Variants in MAB21L3 observed in about 807,000 individuals in gnomAD.
MAB21L3 encodes the protein protein mab-21-like 3.
Under a neutral mutation model 37.7 loss-of-function variants are expected in MAB21L3, and 36 were observed. The observed-to-expected ratio is 0.96, with a 90% CI of 0.73 to 1.26. The LOEUF (loss-of-function observed/expected upper bound fraction) is 1.26. Among genes scored for constraint, MAB21L3 ranks in the 50% most tolerant of loss-of-function variants. The pLI is 0.00. For missense variants in MAB21L3, 430 were observed against 447.3 expected (o/e 0.96, Z 0.35); for synonymous variants, 186 against 176.8 (o/e 1.05, Z -0.41).
chr1:116,122,295 A>G (rs1024197023), intron 4 of MAB21L3, among the ~76,000 whole-genome samples: 1 of 152,218 alleles, frequency 6.6e-6, no homozygotes, highest in African/African-American at 2.4e-5. Context: ...ATGCTAGAAT[A>G]TCACTTGCCC....
rs773287207 is a variant in MAB21L3, at chr1:116,124,112, T to G, written c.236T>G (p.Leu79Arg). The change falls in exon 5 of 8, where the codon CTG (leucine) becomes CGG (arginine). Residue 79 changes from leucine (L) to arginine (R), a missense_variant. By Grantham distance (102) the Leu-to-Arg change is moderately radical. Transcript: ENST00000369500. ...QFLVTVPIKG[L>R]AGYREAREQH... ...CTCGTCACAGTCCCAATAAAAGGCC[T>G]GGCCGGGTACAGGGAGGCCAGGGAG... 2 of 1,613,428 alleles carry G rather than the reference T, an allele frequency of 1.2e-6. No individual in the cohort carries two copies. Among genetic ancestry groups the G allele is most frequent in the Admixed American group, 3.3e-5 (2 of 59,974 alleles).
Position 116,116,162 on chromosome 1 carries a change from C to G in MAB21L3, c.48+3499C>G, listed in dbSNP as rs551562399. Among the ~76,000 whole-genome samples, 12 of 152,278 alleles carry G rather than the reference C, an allele frequency of 7.9e-5. No individual in the cohort carries two copies. The South Asian group carries it at 2.5e-3, about 32-fold the overall frequency. On this transcript the variant is annotated intron_variant, in intron 3 of 7. Transcript: ENST00000369500. ...CTTGCTGTATCTGTCTAGGGTGTGG[C>G]CAGAATAAGTGGAGAGAAACAGTCT...
chr1:116,135,599 A>G lies in MAB21L3; in HGVS notation c.*2234A>G, dbSNP rs1660184986. Among the ~76,000 whole-genome samples the G allele has an allele frequency of 6.6e-6, 1 of 152,260 alleles. No individual in the cohort carries two copies. The highest frequency in any genetic ancestry group is 6.5e-5 in the Admixed American group (1 of 15,286). On this transcript the variant is annotated 3_prime_UTR_variant, in exon 8 of 8. Coordinates refer to ENST00000369500, the MANE Select transcript of MAB21L3 (RefSeq NM_152367.3). ...TCTGAAACTATTCCAATCAATTGAAAAAGAGGGAATCCTCCCTAACTCATT... is the reference window on the plus strand; with the variant it reads ...TCTGAAACTATTCCAATCAATTGAAGAAGAGGGAATCCTCCCTAACTCATT...
At position 116,112,678 on chromosome 1, in the gene MAB21L3, G is replaced by C. The variant is rs77902166; in HGVS notation, c.48+15G>C. 68 of 1,613,266 alleles carry C rather than the reference G, an allele frequency of 4.2e-5. No homozygotes were observed. In the African/African-American group the frequency reaches 8.0e-4, roughly 19 times the overall value. ...TACTGAATAAGGTAAGGACAGACCC[G>C]GTCTCTCCCATGAACCCCCTCCCCA... is the stretch of plus-strand genomic sequence containing the variant. On this transcript the variant is annotated intron_variant, in intron 3 of 7. Transcript: ENST00000369500.
At chr1:116,123,826 C>T (rs181935845) in intron 4 of MAB21L3, 10 of 474,546 alleles carry the variant, frequency 2.1e-5, no homozygotes, top group Admixed American at 3.7e-5. Flanking sequence ...CTTGTATATT[C>T]ATGAGATAAT....
Position 116,111,795 on chromosome 1 carries a change from G to A in MAB21L3, c.-225G>A, listed in dbSNP as rs1039396824. ...TTTCAAGTTGGAAGAGGGAAATTAC[G>A]TTTAAAGGTCAGCAGGTGAGCAGAA... On this transcript the variant is annotated 5_prime_UTR_variant, in exon 2 of 8. Transcript: ENST00000369500. The A allele has an allele frequency of 6.6e-6, 1 of 152,234 alleles. No individual in the cohort carries two copies. Among genetic ancestry groups the A allele is most frequent in the Non-Finnish European group, 1.5e-5 (1 of 68,146 alleles). 9.4% of individuals were successfully genotyped at this position (152,234 alleles called of 1,614,324 possible). A position where few individuals can be genotyped will look rare whatever the true frequency, so the allele number is the denominator to read the frequency against.
At chr1:116,116,384 T>C (rs1299369123) in intron 3 of MAB21L3, among the ~76,000 whole-genome samples, 1 of 152,166 alleles carries the variant, frequency 6.6e-6, no homozygotes, top group Non-Finnish European at 1.5e-5. Flanking sequence ...AGGCTTCTGC[T>C]CAGGTCCCAC....
rs991822273 is a variant in MAB21L3 at position 116,134,475 on chromosome 1, G to A, written c.*1110G>A. On this transcript the variant is annotated 3_prime_UTR_variant, in exon 8 of 8. Coordinates refer to ENST00000369500, the MANE Select transcript of MAB21L3 (RefSeq NM_152367.3). ...ACAGAATGTTGAAGTAGAGTCCACA[G>A]AAAGGTCCCCGAAGGATGAAAATGC... 9 of 152,268 alleles carry A rather than the reference G, an allele frequency of 5.9e-5. No homozygotes were observed. Among genetic ancestry groups the A allele is most frequent in the African/African-American group, 2.2e-4 (9 of 41,450 alleles). The allele number at this position is 152,268 out of a possible 1,614,324, so 9.4% of individuals were successfully genotyped here. A position where few individuals can be genotyped will look rare whatever the true frequency, so the allele number is the denominator to read the frequency against.
chr1:116,124,472 T>C, intron 5 of MAB21L3, 115 bp downstream of exon 5: 1 of 927,364 alleles, frequency 1.1e-6, no homozygotes, highest in Non-Finnish European at 1.6e-6. Context: ...AAAATAATCA[T>C]GTGCTCTTCA....
intron 3 of MAB21L3, among the ~76,000 whole-genome samples, chr1:116,117,829 TA>T (rs1248843862): frequency 6.6e-6 from 1 of 152,194 alleles, no homozygotes; most frequent in African/African-American, 2.4e-5. Context: ...CACTGCCCCC[TA>T]CCCTTTTATC....
rs1238716697 is a variant in MAB21L3, at chr1:116,136,829, C to T, written c.*3464C>T. Among the ~76,000 whole-genome samples, 7 of 148,132 alleles carry T rather than the reference C, an allele frequency of 4.7e-5. No homozygotes were observed. The highest frequency in any genetic ancestry group is 1.0e-4 in the Non-Finnish European group (7 of 66,794). On this transcript the variant is annotated 3_prime_UTR_variant, in exon 8 of 8. Coordinates refer to ENST00000369500, the MANE Select transcript of MAB21L3 (RefSeq NM_152367.3). ...CCTCAGAAATAACGCCGCATATCTA[C>T]AACTATCTGATCTTTGACAAACCTG...
chr1:116,130,638 C>T (rs1055498503), intron 7 of MAB21L3, among the ~76,000 whole-genome samples: 4 of 152,228 alleles, frequency 2.6e-5, no homozygotes, highest in African/African-American at 7.2e-5. Flanking sequence ...AGCTGTGGCA[C>T]TCAGCCTTGC....
intron 3 of MAB21L3, among the ~76,000 whole-genome samples, chr1:116,114,328 G>A (rs1659509637): frequency 6.6e-6 from 1 of 152,144 alleles, no homozygotes; most frequent in Admixed American, 6.5e-5. Context: ...GTTCGTTAAA[G>A]GCAAGAGTGG....
At position 116,133,822 on chromosome 1, in the gene MAB21L3, AG is replaced by A. The variant is rs1229151997; in HGVS notation, c.*460del. ...AATGTTAACGTGCCTACCTCTGAGC[AG>A]GGCTGTGTGCCTATGAAACTGTGCT... On this transcript the variant is annotated 3_prime_UTR_variant, in exon 8 of 8. Transcript: ENST00000369500. 4.9e-6 allele frequency: 1 copy of A among 204,026 alleles called. No individual in the cohort carries two copies. The highest frequency in any genetic ancestry group is 2.3e-5 in the African/African-American group (1 of 42,832). 12.6% of individuals were successfully genotyped at this position (204,026 alleles called of 1,614,324 possible).
chr1:116,118,836 C>T (rs1395631825), intron 3 of MAB21L3, among the ~76,000 whole-genome samples: 1 of 152,206 alleles, frequency 6.6e-6, no homozygotes, highest in Non-Finnish European at 1.5e-5. Flanking sequence ...AACTCCAACA[C>T]ACTGTGCCTC....
chr1:116,126,386 G>A lies in MAB21L3; in HGVS notation c.482-1080G>A, dbSNP rs1289074907. On this transcript the variant is annotated intron_variant, in intron 5 of 7. Transcript: ENST00000369500. ...TCTTCTCTTTGCCTGGTTGGAAAAC[G>A]AGGCAATGGAGACTTCTTTCAAATC... Among the ~76,000 whole-genome samples the A allele has an allele frequency of 6.6e-5, 10 of 152,314 alleles. No homozygotes were observed. The East Asian group carries it at 1.2e-3, about 18-fold the overall frequency.
intron 3 of MAB21L3, among the ~76,000 whole-genome samples, chr1:116,120,218 G>A (rs373141420): frequency 8.6e-5 from 13 of 152,016 alleles, no homozygotes; most frequent in Non-Finnish European, 1.6e-4. Flanking sequence ...CATTGCCTAC[G>A]TCAGAGGAGG....
chr1:116,119,632 G>T (rs1659688060), intron 3 of MAB21L3, among the ~76,000 whole-genome samples: 1 of 152,114 alleles, frequency 6.6e-6, no homozygotes, highest in South Asian at 2.1e-4. Flanking sequence ...CTGGCCCCTG[G>T]CTGAAGGAGC....
chr1:116,127,754 G>C, intron 6 of MAB21L3, 110 bp downstream of exon 6: 2 of 1,194,272 alleles, frequency 1.7e-6, no homozygotes, highest in Non-Finnish European at 2.3e-6. Flanking sequence ...GGTGTTACTA[G>C]ATCAGCAGTT....
Sources: allele counts gnomAD v4.1 joint callset (sites outside exome capture counted in the v4.1 genomes callset), GRCh38; gene constraint gnomAD v4.1.1; transcripts MANE v1.5; gene names NCBI Gene and HGNC (gene_info 2026-07-23, HGNC 2026-07-21).